The following ZSCAN22 variants were observed in gnomAD, a reference collection of about 807,000 sequenced individuals.
The protein encoded by ZSCAN22 is zinc finger and SCAN domain containing 22.
A neutral mutation model predicts 12.4 loss-of-function variants in ZSCAN22; 7 were observed. The ratio of observed to expected loss-of-function variants is 0.57; its 90% CI spans 0.32 to 1.06. The LOEUF (loss-of-function observed/expected upper bound fraction) is 1.06, where lower values mean the gene tolerates loss of function less well. Among genes scored for constraint, ZSCAN22 ranks in the 50% least tolerant of loss-of-function variants. The pLI, the probability that ZSCAN22 is intolerant of heterozygous loss-of-function variation, is 0.04. For missense variants in ZSCAN22, 576 were observed against 631.7 expected, an observed-to-expected ratio of 0.91 and a Z score of 0.94; for synonymous variants, 243 against 255.9, an observed-to-expected ratio of 0.95 and a Z score of 0.48.
rs1327119743 is a variant in ZSCAN22 at position 58,340,492 on chromosome 19, T to C, written c.*1166T>C. On this transcript the variant is annotated 3_prime_UTR_variant, in exon 3 of 3. Transcript: ENST00000329665. ...TTTCTTTTCTTTTCTTTTTTTTTTT[T>C]TGAGATGGAGTCTCGCTCTGTCGCC... The C allele has an allele frequency of 1.9e-5, 3 of 156,668 alleles. No individual in the cohort carries two copies. Among genetic ancestry groups the C allele is most frequent in the African/African-American group, 4.8e-5 (2 of 41,286 alleles). The allele number at this position is 156,668 out of a possible 1,614,324, so 9.7% of individuals were successfully genotyped here.
At chr19:58,336,041 C>T (rs1292697824) in intron 2 of ZSCAN22, among the ~76,000 whole-genome samples, 2 of 152,158 alleles carry the variant, frequency 1.3e-5, no homozygotes, top group Non-Finnish European at 2.9e-5. Context: ...TGGGAGGAAA[C>T]GTGCAGTGTG....
chr19:58,336,974 C>T (rs2051804990), intron 2 of ZSCAN22, among the ~76,000 whole-genome samples: 1 of 152,200 alleles, frequency 6.6e-6, no homozygotes, highest in Non-Finnish European at 1.5e-5. Context: ...CCTGTCTCTG[C>T]CTCCTCCCTG....
At chr19:58,336,225 G>T (rs567514584) in intron 2 of ZSCAN22, among the ~76,000 whole-genome samples, 1 of 152,106 alleles carries the variant, frequency 6.6e-6, no homozygotes, top group Admixed American at 6.5e-5. Flanking sequence ...GGCAATACCC[G>T]TGCAGCACCT....
intron 1 of ZSCAN22, among the ~76,000 whole-genome samples, chr19:58,332,965 G>C (rs1226884977): frequency 6.6e-6 from 1 of 152,178 alleles, no homozygotes; most frequent in Non-Finnish European, 1.5e-5. Flanking sequence ...GCCTACACAT[G>C]TTATCTGATT....
chr19:58,332,935 TAC>T (rs2051744502), intron 1 of ZSCAN22, among the ~76,000 whole-genome samples: 1 of 152,228 alleles, frequency 6.6e-6, no homozygotes, highest in South Asian at 2.1e-4. Context: ...ATATGAGGAT[TAC>T]AGTTTCTCCA....
chr19:58,327,466 G>C (rs1392775921), intron 1 of ZSCAN22, among the ~76,000 whole-genome samples: 2 of 152,210 alleles, frequency 1.3e-5, no homozygotes, highest in African/African-American at 4.8e-5. Context: ...TGGACTGATT[G>C]ACCGGGTGTG....
chr19:58,338,451 C>T lies in ZSCAN22; in HGVS notation c.601C>T (p.Gln201Ter). ...GEIWTKSVTQ[Q>*]IHFKKTSGPY... ...GATCTGGACAAAGTCTGTCACCCAA[C>T]AGATCCACTTCAAGAAAACTTCAGG... Residue 201 changes from glutamine (Q) to a stop codon, truncating the protein, a stop_gained, in exon 3 of 3, where the codon CAG (glutamine) becomes TAG (stop). Transcript: ENST00000329665. LOFTEE classifies it low-confidence loss of function (END_TRUNC). This position sits in a 1 kb window ranked among gnomAD's most constrained non-coding sequence, Gnocchi z 5.4. 1 of 1,614,202 alleles carries T rather than the reference C, an allele frequency of 6.2e-7. No individual in the cohort carries two copies. Among genetic ancestry groups the T allele is most frequent in the Non-Finnish European group, 8.5e-7 (1 of 1,180,032 alleles).
In ZSCAN22 at chr19:58,339,300, C is replaced by A. The variant is rs1040011935; in HGVS notation, c.1450C>A (p.Arg484=). The A allele has an allele frequency of 6.2e-7, 1 of 1,611,054 alleles. No individual in the cohort carries two copies. ...TAGCTCAGCCCTGATGGTTCACTTG[C>A]GGATCCACATCACGGTGCTGCAATG... ...SRSSALMVHL[R]IHITVLQ Residue 484 remains arginine, a synonymous_variant, in exon 3 of 3, where the codon CGG becomes AGG. Transcript: ENST00000329665. This position sits in a 1 kb window ranked among gnomAD's most constrained non-coding sequence, Gnocchi z 5.6.
chr19:58,338,232 AGT>A lies in ZSCAN22; in HGVS notation c.404-18_404-17del, dbSNP rs748694582. On this transcript the variant is annotated intron_variant, in intron 2 of 2. Transcript: ENST00000329665. This position sits in a 1 kb window ranked among gnomAD's most constrained non-coding sequence, Gnocchi z 5.4. Reference sequence around the variant, plus strand: ...GGCTTGGTGTGGTAGGAGGAGTGACAGTGTGGTTCGGACTGTTTCAGGATGGG... The same window carrying A: ...GGCTTGGTGTGGTAGGAGGAGTGACAGTGGTTCGGACTGTTTCAGGATGGG... 7.0e-6 allele frequency: 11 copies of A among 1,568,936 alleles called. No individual in the cohort carries two copies. The highest frequency in any genetic ancestry group is 9.5e-6 in the Non-Finnish European group (11 of 1,151,892).
In ZSCAN22 at chr19:58,335,833, G is replaced by C. The variant is rs1464830319; in HGVS notation, c.403+628G>C. On this transcript the variant is annotated intron_variant, in intron 2 of 2. Coordinates refer to ENST00000329665, the MANE Select transcript of ZSCAN22 (RefSeq NM_181846.3). The surrounding 1 kb of genome is among the most constrained non-coding windows in gnomAD (Gnocchi z 4.1). The stretch of plus-strand genomic sequence containing the variant: ...ACCCTGGGCTGGCCTCCAGGATTTG[G>C]GTGGGTCAGACCTGCCCCAGGCTCA... 6.6e-6 allele frequency among the ~76,000 whole-genome samples: 1 copy of C among 152,186 alleles called. No individual in the cohort carries two copies. The highest frequency in any genetic ancestry group is 1.9e-4 in the East Asian group (1 of 5,186).
In ZSCAN22 at chr19:58,335,709, G is replaced by A. The variant is rs571810068; in HGVS notation, c.403+504G>A. Among the ~76,000 whole-genome samples, 32 of 152,316 alleles carry A rather than the reference G, an allele frequency of 2.1e-4. No individual in the cohort carries two copies. In the South Asian group the frequency reaches 6.4e-3, roughly 31 times the overall value. ...CCCAGGGACTAACAGTGAGCAACTG[G>A]CTGTTTCTCAGAGGAAACCAGACGA... On this transcript the variant is annotated intron_variant, in intron 2 of 2. Coordinates refer to ENST00000329665, the MANE Select transcript of ZSCAN22 (RefSeq NM_181846.3). This position sits in a 1 kb window ranked among gnomAD's most constrained non-coding sequence, Gnocchi z 4.1.
rs74179462 is a variant in ZSCAN22, at chr19:58,331,518, G to GTTATTATTATTA, written c.-51-3198_-51-3187dup. Among the ~76,000 whole-genome samples the GTTATTATTATTA allele has an allele frequency of 7.1e-4, 85 of 119,446 alleles. 1 individual carries two copies. Among genetic ancestry groups the GTTATTATTATTA allele is most frequent in the South Asian group, 2.0e-3 (7 of 3,476 alleles). The allele number at this position is 119,446 out of a possible 152,430, so 78.4% of individuals were successfully genotyped here. On this transcript the variant is annotated intron_variant, in intron 1 of 2. Transcript: ENST00000329665. Reference sequence around the variant, plus strand: ...GTGTGAGCCACCGCGTCCAGCTGACGTTATTATTATTATTATTATTATTAT... The same window carrying GTTATTATTATTA: ...GTGTGAGCCACCGCGTCCAGCTGACGTTATTATTATTATTATTATTATTATTATTATTATTAT...
Position 58,327,667 on chromosome 19 carries a change from G to A in ZSCAN22, c.-52+553G>A, listed in dbSNP as rs373017685. Among the ~76,000 whole-genome samples, 41 of 152,286 alleles carry A rather than the reference G, an allele frequency of 2.7e-4. 1 individual carries two copies. In the South Asian group the frequency reaches 8.5e-3, roughly 32 times the overall value. On this transcript the variant is annotated intron_variant, in intron 1 of 2. Transcript: ENST00000329665. ...TTGAGTGTAACACTAACCATGGAGTGTGTGACTGACAGAGATGGTTGCCGT... is the reference window on the plus strand; with the variant it reads ...TTGAGTGTAACACTAACCATGGAGTATGTGACTGACAGAGATGGTTGCCGT...
In ZSCAN22 at chr19:58,339,152, G is replaced by A. The variant is rs372263231; in HGVS notation, c.1302G>A (p.Lys434=). ...IRHLRIHSGE[K]PYQCKVCPKA... ...ATCTGAGAATCCACTCTGGAGAGAA[G>A]CCATATCAGTGTAAGGTTTGTCCGA... The change falls in exon 3 of 3, where the codon AAG becomes AAA. Residue 434 remains lysine (K), a synonymous_variant. Transcript: ENST00000329665. The surrounding 1 kb of genome is among the most constrained non-coding windows in gnomAD (Gnocchi z 5.6). 3 of 1,614,132 alleles carry A rather than the reference G, an allele frequency of 1.9e-6. No individual in the cohort carries two copies. Among genetic ancestry groups the A allele is most frequent in the African/African-American group, 2.7e-5 (2 of 74,938 alleles).
rs1244751391 is a variant in ZSCAN22 at position 58,339,673 on chromosome 19, CG to C, written c.*348del. On this transcript the variant is annotated 3_prime_UTR_variant, in exon 3 of 3. Transcript: ENST00000329665. This position sits in a 1 kb window ranked among gnomAD's most constrained non-coding sequence, Gnocchi z 5.6. ...AAGGCGCATGTCTCTCAGAACTCAG[CG>C]TCCCAAGACGCTCTGGGCGGGCCAA... is the stretch of plus-strand genomic sequence containing the variant. 1 of 231,582 alleles carries C rather than the reference CG, an allele frequency of 4.3e-6. No individual in the cohort carries two copies. The highest frequency in any genetic ancestry group is 8.5e-6 in the Non-Finnish European group (1 of 118,088). 14.3% of individuals were successfully genotyped at this position (231,582 alleles called of 1,614,324 possible).
chr19:58,329,546 A>G lies in ZSCAN22; in HGVS notation c.-52+2432A>G, dbSNP rs949992016. Among the ~76,000 whole-genome samples the G allele has an allele frequency of 1.1e-4, 17 of 152,252 alleles. No individual in the cohort carries two copies. Among genetic ancestry groups the G allele is most frequent in the African/African-American group, 4.1e-4 (17 of 41,462 alleles). ...ATTCTTCCTGACTATAAGAGAAAAC[A>G]AATTCACTGTGGGAAGTAGAGAATG... On this transcript the variant is annotated intron_variant, in intron 1 of 2. Transcript: ENST00000329665. This position sits in a 1 kb window ranked among gnomAD's most constrained non-coding sequence, Gnocchi z 4.1.
In ZSCAN22 at chr19:58,340,144, T is replaced by G. The variant is rs1568548291; in HGVS notation, c.*818T>G. The G allele has an allele frequency of 1.3e-5, 2 of 152,280 alleles. No individual in the cohort carries two copies. Among genetic ancestry groups the G allele is most frequent in the Admixed American group, 1.3e-4 (2 of 15,268 alleles). 9.4% of individuals were successfully genotyped at this position (152,280 alleles called of 1,614,324 possible). On this transcript the variant is annotated 3_prime_UTR_variant, in exon 3 of 3. Coordinates refer to ENST00000329665, the MANE Select transcript of ZSCAN22 (RefSeq NM_181846.3). The stretch of plus-strand genomic sequence containing the variant: ...CCTGTATCACTCTCCAGGGGACTCT[T>G]GATATTACTTAGATCTGACTGTGTC...
At chr19:58,331,212 G>A (rs1206726347) in intron 1 of ZSCAN22, among the ~76,000 whole-genome samples, 3 of 147,140 alleles carry the variant, frequency 2.0e-5, no homozygotes, top group Admixed American at 6.8e-5. Context: ...ATTATCAAAT[G>A]CACTTTTTTT....
chr19:58,339,180 G>A lies in ZSCAN22; in HGVS notation c.1330G>A (p.Ala444Thr). The change falls in exon 3 of 3, where the codon GCC becomes ACC. Residue 444 changes from alanine to threonine, a missense_variant. By Grantham distance (58) the Ala-to-Thr change is moderately conservative. Transcript: ENST00000329665. This position sits in a 1 kb window ranked among gnomAD's most constrained non-coding sequence, Gnocchi z 5.6. ...KPYQCKVCPK[A>T]FAQSSSLIEH... ...ATATCAGTGTAAGGTTTGTCCGAAG[G>A]CCTTTGCACAGAGCTCCTCCCTCAT... is the stretch of plus-strand genomic sequence containing the variant. 6.2e-7 allele frequency: 1 copy of A among 1,614,166 alleles called. No individual in the cohort carries two copies. The highest frequency in any genetic ancestry group is 8.5e-7 in the Non-Finnish European group (1 of 1,180,038).
Sources: gnomAD v4.1 joint callset for allele counts (sites outside exome capture counted in the v4.1 genomes callset) on GRCh38, gnomAD v4.1.1 for gene constraint, Gnocchi (gnomAD v3.1) non-coding constraint, MANE v1.5 for transcripts, NCBI Gene and HGNC (gene_info 2026-07-23, HGNC 2026-07-21) for gene names.